Variants in SLC4A4 observed in about 807,000 individuals in gnomAD.
SLC4A4 encodes the protein solute carrier family 4 member 4.
In SLC4A4, 27 loss-of-function variants were observed where a neutral mutation model predicts 111.5. That is an observed-to-expected ratio of 0.24 (90% CI 0.18 to 0.33). SLC4A4 has a LOEUF of 0.33. Ranked by LOEUF, SLC4A4 falls within the 10% of genes least tolerant of loss-of-function variation. SLC4A4 has a pLI of 1.00. For synonymous variants in SLC4A4, 443 were observed against 463.4 expected, an observed-to-expected ratio of 0.96 and a Z score of 0.57; for missense variants, 909 against 1,315.5, an observed-to-expected ratio of 0.69 and a Z score of 4.78.
intron 7 of SLC4A4, among the ~76,000 whole-genome samples, chr4:71,428,903 C>G (rs903012391): frequency 2.0e-5 from 3 of 152,014 alleles, no homozygotes; most frequent in Non-Finnish European, 2.9e-5. Flanking sequence ...GTTATAATAT[C>G]ATTTATAGCA....
intron 8 of SLC4A4, among the ~76,000 whole-genome samples, chr4:71,447,259 A>C (rs1279316109): frequency 2.0e-5 from 3 of 152,208 alleles, no homozygotes; most frequent in Non-Finnish European, 4.4e-5. Flanking sequence ...GTGAAGATGC[A>C]CTAACTCTTT....
intron 2 of SLC4A4, among the ~76,000 whole-genome samples, chr4:71,151,089 A>C (rs1744301721): frequency 6.6e-6 from 1 of 152,232 alleles, no homozygotes; most frequent in South Asian, 2.1e-4. Context: ...TTAAAATTTC[A>C]GTGCTTTGGT....
intron 6 of SLC4A4, among the ~76,000 whole-genome samples, chr4:71,362,286 T>C (rs1321338538): frequency 1.3e-5 from 2 of 152,212 alleles, no homozygotes; most frequent in Non-Finnish European, 2.9e-5. Context: ...TTTCCCTTAA[T>C]CTAATTTTAC....
chr4:71,077,705 TAAG>T (rs2148933054), intron 1 of SLC4A4, among the ~76,000 whole-genome samples: 1 of 152,262 alleles, frequency 6.6e-6, no homozygotes, highest in South Asian at 2.1e-4. Context: ...AAAAAGTAAA[TAAG>T]AAATAATGAG....
At chr4:71,491,175 A>G (rs1729869037) in intron 15 of SLC4A4, among the ~76,000 whole-genome samples, 1 of 151,830 alleles carries the variant, frequency 6.6e-6, no homozygotes, top group African/African-American at 2.4e-5. Flanking sequence ...ACTCAAATGC[A>G]TGCTGTAGAT....
chr4:71,452,044 A>C (rs1413715836), intron 11 of SLC4A4, among the ~76,000 whole-genome samples: 1 of 152,048 alleles, frequency 6.6e-6, no homozygotes, highest in Non-Finnish European at 1.5e-5. Flanking sequence ...GTTAAGTAAA[A>C]TTTTAAGTGG....
intron 12 of SLC4A4, among the ~76,000 whole-genome samples, chr4:71,459,383 G>T (rs1332531333): frequency 6.6e-6 from 1 of 151,922 alleles, no homozygotes; most frequent in Non-Finnish European, 1.5e-5. Context: ...CCATCAACCA[G>T]AATTGATCAT....
chr4:71,283,217 C>T (rs1723660861), intron 3 of SLC4A4, among the ~76,000 whole-genome samples: 1 of 152,130 alleles, frequency 6.6e-6, no homozygotes, highest in Non-Finnish European at 1.5e-5. Flanking sequence ...CTCCCTCCTC[C>T]CATGATCCTC....
chr4:71,410,257 T>A (rs1389655476), intron 7 of SLC4A4, among the ~76,000 whole-genome samples: 1 of 152,124 alleles, frequency 6.6e-6, no homozygotes, highest in Non-Finnish European at 1.5e-5. Flanking sequence ...CAGCTTGCAC[T>A]GTGTGCCTGG....
chr4:71,242,464 A>G (rs1720318954), intron 2 of SLC4A4, among the ~76,000 whole-genome samples: 1 of 152,206 alleles, frequency 6.6e-6, no homozygotes, highest in Admixed American at 6.5e-5. Context: ...TGCATAGGTG[A>G]AGGAAGCAAC....
chr4:71,488,882 G>GA (rs1394766577), intron 15 of SLC4A4, among the ~76,000 whole-genome samples: 12 of 125,700 alleles, frequency 9.5e-5, no homozygotes, highest in Admixed American at 7.0e-4. Flanking sequence ...GAAGTTAGAA[G>GA]AAAAAATGTG....
intron 13 of SLC4A4, among the ~76,000 whole-genome samples, chr4:71,468,259 T>G (rs1727559782): frequency 6.6e-6 from 1 of 152,072 alleles, no homozygotes; most frequent in South Asian, 2.1e-4. Flanking sequence ...AAACATTGTG[T>G]GAGACAAGAA....
At chr4:71,096,492 C>T (rs1018381643) in intron 2 of SLC4A4, among the ~76,000 whole-genome samples, 9 of 151,644 alleles carry the variant, frequency 5.9e-5, no homozygotes, top group Non-Finnish European at 8.8e-5. Context: ...GCCTCGGGCA[C>T]AAAATTTAAA....
At chr4:71,145,852 G>A (rs1389521845) in intron 2 of SLC4A4, among the ~76,000 whole-genome samples, 2 of 151,872 alleles carry the variant, frequency 1.3e-5, no homozygotes, top group African/African-American at 4.8e-5. Flanking sequence ...TTCTTTATTA[G>A]CCTTGCTAGC....
At chr4:71,237,093 G>A (rs1719865962) in intron 2 of SLC4A4, among the ~76,000 whole-genome samples, 1 of 152,154 alleles carries the variant, frequency 6.6e-6, no homozygotes, top group Admixed American at 6.5e-5. Flanking sequence ...AGGAGAAATG[G>A]GTTTAAGCTG....
At chr4:71,086,414 T>C (rs1742173346) in intron 1 of SLC4A4, among the ~76,000 whole-genome samples, 1 of 152,000 alleles carries the variant, frequency 6.6e-6, no homozygotes, top group African/African-American at 2.4e-5. Flanking sequence ...CCTGCCTGAT[T>C]GCCCTGGCCA....
intron 7 of SLC4A4, among the ~76,000 whole-genome samples, chr4:71,411,755 T>G (rs1721381823): frequency 6.6e-6 from 1 of 152,244 alleles, no homozygotes. Flanking sequence ...CTATACATGT[T>G]GGGTAGAAGA....
intron 6 of SLC4A4, among the ~76,000 whole-genome samples, chr4:71,383,436 C>T (rs954167846): frequency 3.3e-5 from 5 of 152,186 alleles, no homozygotes; most frequent in African/African-American, 1.2e-4. Flanking sequence ...ATTTAGGTCT[C>T]ACTCCTTATT....
In SLC4A4 at chr4:71,251,790, C is replaced by T. The variant is rs562244996; in HGVS notation, c.74-3430C>T. Among the ~76,000 whole-genome samples, 59 of 152,288 alleles carry T rather than the reference C, an allele frequency of 3.9e-4. 2 individuals are homozygous for T. In the South Asian group the frequency reaches 0.011, roughly 28 times the overall value. ...AGCTCTTAAAATTTTTTCCACTCCT[C>T]CTTTTTACATTATCTTTGGAAGCAG... is the stretch of plus-strand genomic sequence containing the variant. On this transcript the variant is annotated intron_variant, in intron 2 of 25. Coordinates refer to ENST00000264485, the MANE Select transcript of SLC4A4 (RefSeq NM_001098484.3).
Sources: gnomAD v4.1 joint callset for allele counts (sites outside exome capture counted in the v4.1 genomes callset) on GRCh38, gnomAD v4.1.1 for gene constraint, MANE v1.5 for transcripts, NCBI Gene and HGNC (gene_info 2026-07-23, HGNC 2026-07-21) for gene names.